AVPI1: variants seen among roughly 807,000 people sequenced by gnomAD.
AVPI1 encodes the protein arginine vasopressin-induced protein 1.
Under a neutral mutation model 11.9 loss-of-function variants are expected in AVPI1, and 9 were observed. The ratio of observed to expected loss-of-function variants is 0.76; its 90% CI spans 0.46 to 1.32. The LOEUF (loss-of-function observed/expected upper bound fraction) is 1.32. Among genes scored for constraint, AVPI1 ranks in the 40% most tolerant of loss-of-function variants. The pLI is 0.00. For missense variants in AVPI1, 207 were observed against 195.8 expected (o/e 1.06, Z -0.34); for synonymous variants, 68 against 78.1 (o/e 0.87, Z 0.68).
In AVPI1 at chr10:97,677,798, C is replaced by G. The variant is rs1300553343; in HGVS notation, c.*71G>C. On this transcript the variant is annotated 3_prime_UTR_variant, in exon 3 of 3. Transcript: ENST00000370626. ...CCCCTTTGGGCTGCTTGCCTAAAGT[C>G]TCTCTTCCTTCACCTCCCCAGGCCT... 29 of 1,579,704 alleles carry G rather than the reference C, an allele frequency of 1.8e-5. No individual in the cohort carries two copies. Among genetic ancestry groups the G allele is most frequent in the Admixed American group, 8.7e-5 (5 of 57,230 alleles).
intron 1 of AVPI1, among the ~76,000 whole-genome samples, chr10:97,681,807 A>G (rs2041705568): frequency 6.8e-6 from 1 of 147,690 alleles, no homozygotes; most frequent in African/African-American, 2.5e-5. Context: ...GAACCCGGGA[A>G]GCGGAGCTTG....
At chr10:97,680,053 T>G in intron 1 of AVPI1, 138 bp from the exon 2 acceptor site, 1 of 831,624 alleles carries the variant, frequency 1.2e-6, no homozygotes, top group Non-Finnish European at 1.8e-6. Flanking sequence ...TTAAAATCAC[T>G]TAAGCACTTA....
chr10:97,683,417 C>A (rs2041714318), intron 1 of AVPI1, among the ~76,000 whole-genome samples: 1 of 152,234 alleles, frequency 6.6e-6, no homozygotes, highest in South Asian at 2.1e-4. Context: ...CCTTGGCCTC[C>A]CAAAGTGTTG....
At position 97,678,023 on chromosome 10, in the gene AVPI1, A is replaced by T; in HGVS notation, c.290T>A (p.Ile97Asn). ...GGCCAGTGCAGAGTGGGGCTCCAGG[A>T]TTCTGCAGAGAACAAGTGTATGATT... is the stretch of plus-strand genomic sequence containing the variant. ...HSLHHCSRLR[I>N]LEPHSALANP... Residue 97 changes from isoleucine (I) to asparagine (N), a missense_variant and splice_region_variant, in exon 3 of 3, where the codon ATC becomes AAC. Transcript: ENST00000370626. 1 of 1,613,658 alleles carries T rather than the reference A, an allele frequency of 6.2e-7. No individual in the cohort carries two copies.
Position 97,679,871 on chromosome 10 carries a change from G to T in AVPI1, c.35C>A (p.Pro12His). ...GTPASVVSEP[P>H]PWQAPIEARG... ...GGCCTCAATCGGGGCCTGCCAAGGG[G>T]GTGGCTCACTGACCACCGAGGCTGG... The change falls in exon 2 of 3, where the codon CCC (proline) becomes CAC (histidine). Residue 12 changes from proline (P) to histidine (H), a missense_variant. Physicochemically the swap from Pro to His is moderately conservative, Grantham distance 77 (BLOSUM62 -2). Coordinates refer to ENST00000370626, the MANE Select transcript of AVPI1 (RefSeq NM_021732.3). The T allele has an allele frequency of 2.5e-6, 4 of 1,595,310 alleles. No individual in the cohort carries two copies. The highest frequency in any genetic ancestry group is 1.7e-5 in the Admixed American group (1 of 57,418).
chr10:97,679,406 G>C (rs948097719), intron 2 of AVPI1, among the ~76,000 whole-genome samples: 8 of 152,142 alleles, frequency 5.3e-5, no homozygotes, highest in Non-Finnish European at 8.8e-5. Context: ...GCCTCCCAAA[G>C]TGCTGGGATT....
chr10:97,679,980 G>A, intron 1 of AVPI1, 65 bp from the exon 2 acceptor site: 2 of 1,391,166 alleles, frequency 1.4e-6, no homozygotes, highest in Non-Finnish European at 1.9e-6. Flanking sequence ...GGGGGTCCTG[G>A]CTAATCCTAG....
intron 1 of AVPI1, among the ~76,000 whole-genome samples, chr10:97,685,850 T>C (rs2135773987): frequency 6.6e-6 from 1 of 152,236 alleles, no homozygotes; most frequent in South Asian, 2.1e-4. Context: ...CCAGTTCTCA[T>C]ATATGACCTG....
chr10:97,679,277 T>C (rs2041689642), intron 2 of AVPI1, among the ~76,000 whole-genome samples: 1 of 151,626 alleles, frequency 6.6e-6, no homozygotes, highest in Non-Finnish European at 1.5e-5. Flanking sequence ...GCTGAGTAGC[T>C]GGGATTACAG....
At chr10:97,685,503 T>C (rs2041724382) in intron 1 of AVPI1, among the ~76,000 whole-genome samples, 1 of 152,138 alleles carries the variant, frequency 6.6e-6, no homozygotes, top group Non-Finnish European at 1.5e-5. Flanking sequence ...AACTCCTAGG[T>C]CCTCATGCAG....
chr10:97,679,542 C>T (rs1338176943), intron 2 of AVPI1, 77 bp downstream of exon 2: 5 of 1,472,050 alleles, frequency 3.4e-6, no homozygotes, highest in East Asian at 2.5e-5. Flanking sequence ...AAGTAACTAG[C>T]TCCAGGCCAC....
intron 1 of AVPI1, among the ~76,000 whole-genome samples, chr10:97,680,529 C>T (rs566571193): frequency 3.9e-5 from 6 of 152,244 alleles, no homozygotes; most frequent in South Asian, 2.1e-4. Context: ...CTGGGCTACC[C>T]GAGTTGGAAT....
intron 1 of AVPI1, among the ~76,000 whole-genome samples, chr10:97,681,859 TGGGCGACA>T (rs1251834946): frequency 5.5e-5 from 7 of 127,372 alleles, no homozygotes; most frequent in Admixed American, 3.0e-4. Flanking sequence ...CAGTCCGGCC[TGGGCGACA>T]GAGCGAGACT....
At position 97,678,969 on chromosome 10, in the gene AVPI1, G is replaced by GACAGGA. The variant is rs2041686373; in HGVS notation, c.287+649_287+650insTCCTGT. On this transcript the variant is annotated intron_variant, in intron 2 of 2. Coordinates refer to ENST00000370626, the MANE Select transcript of AVPI1 (RefSeq NM_021732.3). Reference sequence around the variant, plus strand: ...TGTGTGTGTGTGTGTGTGTGTGTGTGTGTGTGTGTGTGTGTGTGTGTGTGT... The same window carrying GACAGGA: ...TGTGTGTGTGTGTGTGTGTGTGTGTGACAGGATGTGTGTGTGTGTGTGTGTGTGTGT... Among the ~76,000 whole-genome samples, 3 of 95,368 alleles carry GACAGGA rather than the reference G, an allele frequency of 3.1e-5. 1 individual carries two copies. Among genetic ancestry groups the GACAGGA allele is most frequent in the South Asian group, 7.6e-4 (2 of 2,636 alleles). The allele number at this position is 95,368 out of a possible 152,430, so 62.6% of individuals were successfully genotyped here. A position where few individuals can be genotyped will look rare whatever the true frequency, so the allele number is the denominator to read the frequency against.
intron 1 of AVPI1, among the ~76,000 whole-genome samples, chr10:97,686,430 T>C (rs2041729170): frequency 6.6e-6 from 1 of 152,226 alleles, no homozygotes; most frequent in Non-Finnish European, 1.5e-5. Flanking sequence ...ATGGGTGCTT[T>C]CTTTCCTCCT....
intron 1 of AVPI1, 31 bp from the exon 2 acceptor site, chr10:97,679,946 A>T (rs11595249): frequency 0.42 from 633,475 of 1,498,542 alleles, 137,444 homozygotes; most frequent in African/African-American, 0.66. Context: ...GACATCATCA[A>T]CTCAGCTGGT....
chr10:97,684,417 G>C (rs991058638), intron 1 of AVPI1, among the ~76,000 whole-genome samples: 1 of 151,632 alleles, frequency 6.6e-6, no homozygotes, highest in African/African-American at 2.4e-5. Flanking sequence ...GGGAGAGTCT[G>C]AGCCTCCAGC....
At chr10:97,682,608 C>T (rs12262510) in intron 1 of AVPI1, among the ~76,000 whole-genome samples, 26 of 152,090 alleles carry the variant, frequency 1.7e-4, no homozygotes, top group African/African-American at 6.3e-4. Flanking sequence ...ATGACTCCCC[C>T]CCTTGCCCTG....
rs201936177 is a variant in AVPI1, at chr10:97,678,868, T to TGGC, written c.287+748_287+750dup. Among the ~76,000 whole-genome samples the TGGC allele has an allele frequency of 1.1e-3, 157 of 142,928 alleles. 1 individual carries two copies. Among genetic ancestry groups the TGGC allele is most frequent in the Non-Finnish European group, 1.8e-3 (120 of 65,736 alleles). 93.8% of individuals were successfully genotyped at this position (142,928 alleles called of 152,430 possible). A position where few individuals can be genotyped will look rare whatever the true frequency, so the allele number is the denominator to read the frequency against. ...ATGCCTGGCTAATTTCTCTTTTTTT[T>TGGC]GGCGGGGGGAGGGTGTGTGTGTGTG... On this transcript the variant is annotated intron_variant, in intron 2 of 2. Coordinates refer to ENST00000370626, the MANE Select transcript of AVPI1 (RefSeq NM_021732.3).
Sources: gnomAD v4.1 joint callset for allele counts (sites outside exome capture counted in the v4.1 genomes callset) on GRCh38, gnomAD v4.1.1 for gene constraint, MANE v1.5 for transcripts, NCBI Gene and HGNC (gene_info 2026-07-23, HGNC 2026-07-21) for gene names.